Variants in IL36A observed in about 807,000 individuals in gnomAD.
IL36A encodes interleukin-36 alpha.
A neutral mutation model predicts 12.7 loss-of-function variants in IL36A; 13 were observed. The observed-to-expected ratio is 1.02, with a 90% confidence interval of 0.67 to 1.63. The LOEUF (loss-of-function observed/expected upper bound fraction) is 1.63, where lower values mean the gene tolerates loss of function less well. Ranked by LOEUF, IL36A falls within the 40% of genes most tolerant of loss-of-function variation. IL36A has a pLI of 0.00. For synonymous variants in IL36A, 73 were observed against 71.9 expected, an observed-to-expected ratio of 1.01 and a Z score of -0.08; for missense variants, 195 against 192.9, an observed-to-expected ratio of 1.01 and a Z score of -0.07.
Position 113,007,940 on chromosome 2 carries a change from G to A in IL36A, c.373G>A (p.Gly125Ser). 6.2e-7 allele frequency: 1 copy of A among 1,614,154 alleles called. No individual in the cohort carries two copies. The highest frequency in any genetic ancestry group is 8.5e-7 in the Non-Finnish European group (1 of 1,180,022). ...NSTFESVAFP[G>S]WFIAVSSEGG... ...CACCTTCGAGTCTGTGGCTTTCCCT[G>A]GCTGGTTCATCGCTGTCAGCTCTGA... The change falls in exon 4 of 4, where the codon GGC becomes AGC. Residue 125 changes from glycine to serine, a missense_variant. By Grantham distance (56) the Gly-to-Ser change is moderately conservative. Transcript: ENST00000259211.
chr2:113,010,621 T>G (rs896931669), downstream of IL36A, among the ~76,000 whole-genome samples: 6 of 152,170 alleles, frequency 3.9e-5, no homozygotes, highest in African/African-American at 1.4e-4. Context: ...CTTTAGAAAT[T>G]TATGTCTACT....
In IL36A at chr2:113,006,459, C is replaced by T. The variant is rs187492280; in HGVS notation, c.125-139C>T. The T allele has an allele frequency of 2.3e-3, 1,979 of 861,732 alleles. 6 individuals are homozygous for T. Among genetic ancestry groups the T allele is most frequent in the Middle Eastern group, 6.2e-3 (17 of 2,734 alleles). The allele number at this position is 861,732 out of a possible 1,614,324, so 53.4% of individuals were successfully genotyped here. On this transcript the variant is annotated intron_variant, in intron 2 of 3. Coordinates refer to ENST00000259211, the MANE Select transcript of IL36A (RefSeq NM_014440.3). ...TTCCCCAAACATAGGATGGGTGTCC[C>T]GGTTAGGTGGTGGGTGGTGAGGTGA...
chr2:113,007,951 CGCTGTCA>C lies in IL36A; in HGVS notation c.388_394del (p.Val130LeufsTer23). 1.9e-6 allele frequency: 3 copies of C among 1,614,200 alleles called. No individual in the cohort carries two copies. The highest frequency in any genetic ancestry group is 2.5e-6 in the Non-Finnish European group (3 of 1,180,022). On this transcript the variant is annotated frameshift_variant, in exon 4 of 4. Coordinates refer to ENST00000259211, the MANE Select transcript of IL36A (RefSeq NM_014440.3). LOFTEE classifies it low-confidence loss of function (END_TRUNC). ...CTGTGGCTTTCCCTGGCTGGTTCATCGCTGTCAGCTCTGAAGGAGGCTGTCCTCTCAT... is the reference window on the plus strand; with the variant it reads ...CTGTGGCTTTCCCTGGCTGGTTCATCGCTCTGAAGGAGGCTGTCCTCTCAT...
rs1684663598 is a variant in IL36A, at chr2:113,008,012, A to T, written c.445A>T (p.Thr149Ser). The T allele has an allele frequency of 1.9e-6, 3 of 1,614,216 alleles. No individual in the cohort carries two copies. The highest frequency in any genetic ancestry group is 2.5e-6 in the Non-Finnish European group (3 of 1,180,032). Residue 149 changes from threonine to serine, a missense_variant, in exon 4 of 4, where the codon ACT becomes TCT. Thr to Ser is a moderately conservative substitution (Grantham distance 58, BLOSUM62 1). Coordinates refer to ENST00000259211, the MANE Select transcript of IL36A (RefSeq NM_014440.3). The stretch of plus-strand genomic sequence containing the variant: ...TACCCAAGAACTGGGGAAAGCCAAC[A>T]CTACTGACTTTGGGTTAACTATGCT... ...ILTQELGKAN[T>S]TDFGLTMLF
downstream of IL36A, among the ~76,000 whole-genome samples, chr2:113,010,399 T>C (rs537067385): frequency 5.9e-4 from 90 of 152,374 alleles, no homozygotes; most frequent in African/African-American, 1.8e-3. Context: ...CCTTTCCCTG[T>C]GCTGGTAATT....
Position 113,005,598 on chromosome 2 carries a change from C to G in IL36A, c.-274C>G, listed in dbSNP as rs1042518772. The G allele has an allele frequency of 3.2e-5, 18 of 561,638 alleles. No homozygotes were observed. The highest frequency in any genetic ancestry group is 3.2e-4 in the African/African-American group (17 of 53,202). The allele number at this position is 561,638 out of a possible 1,614,324, so 34.8% of individuals were successfully genotyped here. ...TGCTTCCAGGTCTTTGGCCTTGGCA[C>G]TCTTTGTCATATTAGAGTTCCTGGG... is the stretch of plus-strand genomic sequence containing the variant. On this transcript the variant is annotated 5_prime_UTR_variant, in exon 1 of 4. Coordinates refer to ENST00000259211, the MANE Select transcript of IL36A (RefSeq NM_014440.3).
In IL36A at chr2:113,005,856, A is replaced by G; in HGVS notation, c.-16A>G. On this transcript the variant is annotated 5_prime_UTR_variant, in exon 1 of 4. Transcript: ENST00000259211. Reference sequence around the variant, plus strand: ...AGGACTCCTATCCTTGGCAGTTCTGAAACAACACCACCACAATGGAAAAAG... The same window carrying G: ...AGGACTCCTATCCTTGGCAGTTCTGGAACAACACCACCACAATGGAAAAAG... 6.2e-7 allele frequency: 1 copy of G among 1,614,166 alleles called. No individual in the cohort carries two copies. Among genetic ancestry groups the G allele is most frequent in the Non-Finnish European group, 8.5e-7 (1 of 1,180,002 alleles).
downstream of IL36A, among the ~76,000 whole-genome samples, chr2:113,009,876 A>G (rs1194156037): frequency 6.6e-6 from 1 of 152,208 alleles, no homozygotes; most frequent in South Asian, 2.1e-4. Flanking sequence ...ATAAACTGAC[A>G]TGGGTCGCAT....
At chr2:113,007,041 C>A (rs1035342178) in intron 3 of IL36A, among the ~76,000 whole-genome samples, 1 of 152,134 alleles carries the variant, frequency 6.6e-6, no homozygotes, top group South Asian at 2.1e-4. Context: ...ACAAAGTAGA[C>A]GAACTTATTA....
chr2:113,010,046 T>A (rs1684705394), downstream of IL36A, among the ~76,000 whole-genome samples: 1 of 152,264 alleles, frequency 6.6e-6, no homozygotes, highest in African/African-American at 2.4e-5. Flanking sequence ...GTTTTCTTCT[T>A]ACAGAATATT....
At chr2:113,007,055 C>T (rs1319913135) in intron 3 of IL36A, among the ~76,000 whole-genome samples, 1 of 152,166 alleles carries the variant, frequency 6.6e-6, no homozygotes, top group Non-Finnish European at 1.5e-5. Flanking sequence ...CTTATTAAAA[C>T]ATCTTTTTGG....
Position 113,006,101 on chromosome 2 carries a change from G to A in IL36A, c.124+14G>A, listed in dbSNP as rs955699539. On this transcript the variant is annotated intron_variant, in intron 2 of 3. Coordinates refer to ENST00000259211, the MANE Select transcript of IL36A (RefSeq NM_014440.3). ...GTATGTCTCCAGGTGAGTAGCCACGGTCTGTGAAAGGCAGCTCCTTTGGCC... is the reference window on the plus strand; with the variant it reads ...GTATGTCTCCAGGTGAGTAGCCACGATCTGTGAAAGGCAGCTCCTTTGGCC... 1.2e-5 allele frequency: 18 copies of A among 1,529,140 alleles called. No individual in the cohort carries two copies. In the African/African-American group the frequency reaches 2.5e-4, roughly 21 times the overall value. The allele number at this position is 1,529,140 out of a possible 1,614,324, so 94.7% of individuals were successfully genotyped here.
At chr2:113,007,490 T>C (rs575617522) in intron 3 of IL36A, among the ~76,000 whole-genome samples, 203 of 152,348 alleles carry the variant, frequency 1.3e-3, no homozygotes, top group African/African-American at 4.6e-3. Flanking sequence ...ACTGTTTTAA[T>C]TTGAAATTTA....
At position 113,005,844 on chromosome 2, in the gene IL36A, T is replaced by G. The variant is rs755687109; in HGVS notation, c.-28T>G. On this transcript the variant is annotated 5_prime_UTR_variant, in exon 1 of 4. Transcript: ENST00000259211. Reference sequence around the variant, plus strand: ...TCTGCACATAAAAGGACTCCTATCCTTGGCAGTTCTGAAACAACACCACCA... The same window carrying G: ...TCTGCACATAAAAGGACTCCTATCCGTGGCAGTTCTGAAACAACACCACCA... 6 of 1,613,940 alleles carry G rather than the reference T, an allele frequency of 3.7e-6. No individual in the cohort carries two copies. In the East Asian group the frequency reaches 1.1e-4, roughly 30 times the overall value.
chr2:113,007,042 G>T (rs1293848722), intron 3 of IL36A, among the ~76,000 whole-genome samples: 1 of 152,076 alleles, frequency 6.6e-6, no homozygotes, highest in Non-Finnish European at 1.5e-5. Context: ...CAAAGTAGAC[G>T]AACTTATTAA....
At chr2:113,010,649 A>G (rs1684713215), downstream of IL36A, among the ~76,000 whole-genome samples, 1 of 152,020 alleles carries the variant, frequency 6.6e-6, no homozygotes, top group Non-Finnish European at 1.5e-5. Context: ...ATTCTCCTTT[A>G]TTTTCTTATA....
At chr2:113,006,943 A>G (rs1008970536) in intron 3 of IL36A, among the ~76,000 whole-genome samples, 7 of 152,248 alleles carry the variant, frequency 4.6e-5, no homozygotes, top group African/African-American at 1.7e-4. Context: ...TTACAAAAAT[A>G]TTAATAATTT....
chr2:113,009,472 T>C (rs1000370277), downstream of IL36A, among the ~76,000 whole-genome samples: 2 of 152,200 alleles, frequency 1.3e-5, no homozygotes, highest in Admixed American at 1.3e-4. Context: ...GTGTTATCAC[T>C]GGACCTCAAA....
downstream of IL36A, chr2:113,008,124 T>C: frequency 8.3e-7 from 1 of 1,198,544 alleles, no homozygotes; most frequent in Non-Finnish European, 1.2e-6. Context: ...AGGGAGAATT[T>C]GTTATTGGAC....
Sources: allele counts gnomAD v4.1 joint callset (sites outside exome capture counted in the v4.1 genomes callset), GRCh38; gene constraint gnomAD v4.1.1; transcripts MANE v1.5; gene names NCBI Gene and HGNC (gene_info 2026-07-23, HGNC 2026-07-21).